Variants in CNGA4 observed in about 807,000 individuals in gnomAD.
CNGA4 encodes the protein cyclic nucleotide gated channel subunit alpha 4, also known as cyclic nucleotide-gated channel alpha-4.
A neutral mutation model predicts 45.6 loss-of-function variants in CNGA4; 32 were observed. The ratio of observed to expected loss-of-function variants is 0.70; its 90% CI spans 0.53 to 0.94. The LOEUF is 0.94. Ranked by LOEUF, CNGA4 falls within the 40% of genes least tolerant of loss-of-function variation. The probability of loss-of-function intolerance (pLI) is 0.00; values close to 1 mark genes in which losing one functional copy is unlikely to be tolerated. For missense variants in CNGA4, 726 were observed against 755.1 expected, an observed-to-expected ratio of 0.96 and a Z score of 0.45; for synonymous variants, 293 against 304.6, an observed-to-expected ratio of 0.96 and a Z score of 0.40.
At chr11:6,239,889 CT>C in intron 3 of CNGA4, 99 bp downstream of exon 3, 1 of 1,361,876 alleles carries the variant, frequency 7.3e-7, no homozygotes, top group Non-Finnish European at 1.0e-6. Context: ...GTGGTAGCAC[CT>C]TCGCGTGCCT....
chr11:6,242,322 A>G (rs1445147399), intron 5 of CNGA4, among the ~76,000 whole-genome samples: 1 of 152,166 alleles, frequency 6.6e-6, no homozygotes, highest in African/African-American at 2.4e-5. Flanking sequence ...AGAGAAAGGT[A>G]GAAGAGAAGA....
chr11:6,244,350 G>A lies in CNGA4; in HGVS notation c.1669G>A (p.Gly557Arg), dbSNP rs758369260. 5 of 1,614,046 alleles carry A rather than the reference G, an allele frequency of 3.1e-6. No individual in the cohort carries two copies. Among genetic ancestry groups the A allele is most frequent in the Admixed American group, 3.3e-5 (2 of 60,010 alleles). The change falls in exon 6 of 6, where the codon GGA (glycine) becomes AGA (arginine). Residue 557 changes from glycine (G) to arginine (R), a missense_variant. By Grantham distance (125) the Gly-to-Arg change is moderately radical. Coordinates refer to ENST00000379936, the MANE Select transcript of CNGA4 (RefSeq NM_001037329.4). This position sits in a 1 kb window ranked among gnomAD's most constrained non-coding sequence, Gnocchi z 4.5. Reference protein sequence around the residue: ...EADDEGEPEEGTSKDEEGRAS... With the variant: ...EADDEGEPEERTSKDEEGRAS... ...TGATGACGAGGGTGAGCCTGAGGAGGGAACTTCCAAAGATGAAGAGGGCAG... is the reference window on the plus strand; with the variant it reads ...TGATGACGAGGGTGAGCCTGAGGAGAGAACTTCCAAAGATGAAGAGGGCAG...
chr11:6,244,591 C>CGT (rs1847967596), downstream of CNGA4, among the ~76,000 whole-genome samples: 1 of 70,758 alleles, frequency 1.4e-5, no homozygotes, highest in East Asian at 2.8e-4. This position sits in a 1 kb window ranked among gnomAD's most constrained non-coding sequence, Gnocchi z 4.5. Flanking sequence ...CCAGTACACA[C>CGT]ACACACACAC....
At chr11:6,239,073 A>G (rs909194939), upstream of CNGA4, 19 of 1,546,256 alleles carry the variant, frequency 1.2e-5, no homozygotes, top group Non-Finnish European at 1.5e-5. Flanking sequence ...AAGAGCCCCA[A>G]AGACAAAGAA....
downstream of CNGA4, chr11:6,244,500 G>A: frequency 1.6e-6 from 2 of 1,255,600 alleles, no homozygotes; most frequent in African/African-American, 3.0e-5. The surrounding 1 kb of genome is among the most constrained non-coding windows in gnomAD (Gnocchi z 4.5). Flanking sequence ...CTGTCTGCGA[G>A]ATCACAGACA....
At chr11:6,242,094 T>C (rs769429660) in intron 5 of CNGA4, 2 of 432,146 alleles carry the variant, frequency 4.6e-6, no homozygotes, top group Non-Finnish European at 8.1e-6. Flanking sequence ...TAATAGCTAA[T>C]ATTTATTACC....
At position 6,244,395 on chromosome 11, in the gene CNGA4, C is replaced by T. The variant is rs774959732; in HGVS notation, c.1714C>T (p.Pro572Ser). 5 of 1,611,066 alleles carry T rather than the reference C, an allele frequency of 3.1e-6. No homozygotes were observed. In the East Asian group the frequency reaches 1.1e-4, roughly 36 times the overall value. ...EEGRASQEGPPGPE is the reference protein window; with the variant it reads ...EEGRASQEGPSGPE Reference sequence around the variant, plus strand: ...GGGCAGGGCCAGCCAGGAGGGACCCCCAGGTCCAGAGTGACCCCATCCCCA... The same window carrying T: ...GGGCAGGGCCAGCCAGGAGGGACCCTCAGGTCCAGAGTGACCCCATCCCCA... The change falls in exon 6 of 6, where the codon CCA becomes TCA. Residue 572 changes from proline (P) to serine (S), a missense_variant. Physicochemically the swap from Pro to Ser is moderately conservative, Grantham distance 74 (BLOSUM62 -1). Coordinates refer to ENST00000379936, the MANE Select transcript of CNGA4 (RefSeq NM_001037329.4). This position sits in a 1 kb window ranked among gnomAD's most constrained non-coding sequence, Gnocchi z 4.5.
Position 6,240,074 on chromosome 11 carries a change from G to A in CNGA4, c.280G>A (p.Glu94Lys). 2 of 1,606,872 alleles carry A rather than the reference G, an allele frequency of 1.2e-6. No homozygotes were observed. The highest frequency in any genetic ancestry group is 8.5e-7 in the Non-Finnish European group (1 of 1,176,068). The change falls in exon 4 of 6, where the codon GAA (glutamate) becomes AAA (lysine). Residue 94 changes from glutamate (E) to lysine (K), a missense_variant. Physicochemically the swap from Glu to Lys is moderately conservative, Grantham distance 56. Transcript: ENST00000379936. This position sits in a 1 kb window ranked among gnomAD's most constrained non-coding sequence, Gnocchi z 4.9. The part of the protein sequence containing the change: ...MVVRFHTGFL[E>K]QGILVVDKGR... Reference sequence around the variant, plus strand: ...CGGCTCCCTCTCCCCAGGATTCTTGGAACAGGGCATCCTGGTGGTGGACAA... The same window carrying A: ...CGGCTCCCTCTCCCCAGGATTCTTGAAACAGGGCATCCTGGTGGTGGACAA...
Position 6,240,153 on chromosome 11 carries a change from C to G in CNGA4, c.359C>G (p.Ala120Gly), listed in dbSNP as rs1371160534. Residue 120 changes from alanine to glycine, a missense_variant, in exon 4 of 6, where the codon GCT becomes GGT. Ala to Gly is a moderately conservative substitution (Grantham distance 60). Coordinates refer to ENST00000379936, the MANE Select transcript of CNGA4 (RefSeq NM_001037329.4). The surrounding 1 kb of genome is among the most constrained non-coding windows in gnomAD (Gnocchi z 4.9). ...VRTWSFFLDL[A>G]SLMPTDVVYV... ...ACCTGGAGTTTCTTCTTGGACCTGG[C>G]TTCCCTGATGCCCACAGATGTGGTC... is the stretch of plus-strand genomic sequence containing the variant. 2 of 1,614,082 alleles carry G rather than the reference C, an allele frequency of 1.2e-6. No individual in the cohort carries two copies. The highest frequency in any genetic ancestry group is 3.3e-5 in the Admixed American group (2 of 60,016).
rs777975158 is a variant in CNGA4 at position 6,241,691 on chromosome 11, T to C, written c.1178T>C (p.Leu393Pro). ...ATGTACATCATCCGAGAGGGTCAAC[T>C]GGCCGTGGTGGCAGATGATGGTATC... The part of the protein sequence containing the change: ...QEMYIIREGQ[L>P]AVVADDGITQ... Residue 393 changes from leucine to proline, a missense_variant, in exon 5 of 6, where the codon CTG becomes CCG. Leu to Pro is a moderately conservative substitution (Grantham distance 98, BLOSUM62 -3). Transcript: ENST00000379936. 6.2e-7 allele frequency: 1 copy of C among 1,614,232 alleles called. No individual in the cohort carries two copies. Among genetic ancestry groups the C allele is most frequent in the Non-Finnish European group, 8.5e-7 (1 of 1,180,046 alleles).
In CNGA4 at chr11:6,240,235, G is replaced by A. The variant is rs767196089; in HGVS notation, c.441G>A (p.Ala147=). Residue 147 remains alanine (A), a synonymous_variant, in exon 4 of 6, where the codon GCG becomes GCA. Coordinates refer to ENST00000379936, the MANE Select transcript of CNGA4 (RefSeq NM_001037329.4). This position sits in a 1 kb window ranked among gnomAD's most constrained non-coding sequence, Gnocchi z 4.9. The part of the protein sequence containing the change: ...PTLRLNRFLR[A]PRLFEAFDRT... ...TGAGGCTGAACCGCTTTCTCCGCGC[G>A]CCCCGCCTCTTCGAGGCCTTCGACC... 24 of 1,614,084 alleles carry A rather than the reference G, an allele frequency of 1.5e-5. No homozygotes were observed. The highest frequency in any genetic ancestry group is 2.2e-5 in the East Asian group (1 of 44,890).
rs1389475589 is a variant in CNGA4 at position 6,240,545 on chromosome 11, T to C, written c.751T>C (p.Phe251Leu). Residue 251 changes from phenylalanine (F) to leucine (L), a missense_variant, in exon 4 of 6, where the codon TTC (phenylalanine) becomes CTC (leucine). Phe to Leu is a conservative substitution (Grantham distance 22). Coordinates refer to ENST00000379936, the MANE Select transcript of CNGA4 (RefSeq NM_001037329.4). This position sits in a 1 kb window ranked among gnomAD's most constrained non-coding sequence, Gnocchi z 4.9. ...AGAGTACCTCTTCATGGTGGGCGAC[T>C]TCCTGCTGGCCGTCATGGGTTTCGC... The part of the protein sequence containing the change: ...EEEYLFMVGD[F>L]LLAVMGFATI... The C allele has an allele frequency of 6.2e-7, 1 of 1,614,114 alleles. No individual in the cohort carries two copies. Among genetic ancestry groups the C allele is most frequent in the Non-Finnish European group, 8.5e-7 (1 of 1,180,046 alleles).
chr11:6,235,634 C>A, upstream of CNGA4: 1 of 817,732 alleles, frequency 1.2e-6, no homozygotes, highest in Non-Finnish European at 1.5e-6. Flanking sequence ...TCAGATAAGG[C>A]ATGTAGTTTT....
rs760011098 is a variant in CNGA4, at chr11:6,240,035, G to A, written c.272-31G>A. 8.9e-6 allele frequency: 14 copies of A among 1,577,034 alleles called. No individual in the cohort carries two copies. Among genetic ancestry groups the A allele is most frequent in the Non-Finnish European group, 9.5e-6 (11 of 1,161,176 alleles). On this transcript the variant is annotated intron_variant, in intron 3 of 5. Coordinates refer to ENST00000379936, the MANE Select transcript of CNGA4 (RefSeq NM_001037329.4). The surrounding 1 kb of genome is among the most constrained non-coding windows in gnomAD (Gnocchi z 4.9). ...GCTCAGCCCAAGCTTGACTACAGCAGGTCCGCTTCCTACCGGCTCCCTCTC... is the reference window on the plus strand; with the variant it reads ...GCTCAGCCCAAGCTTGACTACAGCAAGTCCGCTTCCTACCGGCTCCCTCTC...
In CNGA4 at chr11:6,241,690, C is replaced by T. The variant is rs756151116; in HGVS notation, c.1177C>T (p.Leu393=). Reference sequence around the variant, plus strand: ...GATGTACATCATCCGAGAGGGTCAACTGGCCGTGGTGGCAGATGATGGTAT... The same window carrying T: ...GATGTACATCATCCGAGAGGGTCAATTGGCCGTGGTGGCAGATGATGGTAT... The part of the protein sequence containing the change: ...QEMYIIREGQ[L]AVVADDGITQ... The change falls in exon 5 of 6, where the codon CTG becomes TTG. Residue 393 remains leucine (L), a synonymous_variant. Transcript: ENST00000379936. 9 of 1,614,094 alleles carry T rather than the reference C, an allele frequency of 5.6e-6. No individual in the cohort carries two copies. In the South Asian group the frequency reaches 9.9e-5, roughly 18 times the overall value.
chr11:6,238,549 A>G (rs1170296399), upstream of CNGA4, among the ~76,000 whole-genome samples: 3 of 152,324 alleles, frequency 2.0e-5, no homozygotes, highest in South Asian at 2.1e-4. Context: ...AAGTCACAAG[A>G]AGGATATGAG....
Position 6,241,749 on chromosome 11 carries a change from C to T in CNGA4, c.1236C>T (p.Tyr412=). Residue 412 remains tyrosine (Y), a synonymous_variant, in exon 5 of 6, where the codon TAC becomes TAT. Transcript: ENST00000379936. ...TQYAVLGAGL[Y]FGEISIINIK... ...ATGCTGTGCTCGGTGCAGGGCTCTA[C>T]TTTGGGGAGATCAGCATCATCAACA... is the stretch of plus-strand genomic sequence containing the variant. 1 of 1,614,136 alleles carries T rather than the reference C, an allele frequency of 6.2e-7. No individual in the cohort carries two copies.
chr11:6,235,573 T>C, upstream of CNGA4: 2 of 979,044 alleles, frequency 2.0e-6, no homozygotes, highest in Non-Finnish European at 2.4e-6. Flanking sequence ...CTAAGCCGAG[T>C]CTTGGGAAAC....
At position 6,240,160 on chromosome 11, in the gene CNGA4, G is replaced by C. The variant is rs751213865; in HGVS notation, c.366G>C (p.Leu122=). Residue 122 remains leucine, a synonymous_variant, in exon 4 of 6, where the codon CTG becomes CTC. Coordinates refer to ENST00000379936, the MANE Select transcript of CNGA4 (RefSeq NM_001037329.4). The surrounding 1 kb of genome is among the most constrained non-coding windows in gnomAD (Gnocchi z 4.9). The stretch of plus-strand genomic sequence containing the variant: ...GTTTCTTCTTGGACCTGGCTTCCCT[G>C]ATGCCCACAGATGTGGTCTACGTGC... ...TWSFFLDLAS[L]MPTDVVYVRL... 2 of 1,614,200 alleles carry C rather than the reference G, an allele frequency of 1.2e-6. No individual in the cohort carries two copies. The highest frequency in any genetic ancestry group is 1.7e-6 in the Non-Finnish European group (2 of 1,180,042).
Sources: gnomAD v4.1 joint callset for allele counts (sites outside exome capture counted in the v4.1 genomes callset) on GRCh38, gnomAD v4.1.1 for gene constraint, Gnocchi (gnomAD v3.1) non-coding constraint, MANE v1.5 for transcripts, NCBI Gene and HGNC (gene_info 2026-07-23, HGNC 2026-07-21) for gene names.